NOD1: variants seen among roughly 807,000 people sequenced by gnomAD.
NOD1 encodes nucleotide binding oligomerization domain containing 1.
Under a neutral mutation model 81.2 loss-of-function variants are expected in NOD1, and 70 were observed. The ratio of observed to expected loss-of-function variants is 0.86; its 90% CI spans 0.71 to 1.05. The LOEUF (loss-of-function observed/expected upper bound fraction) is 1.05, where lower values mean the gene tolerates loss of function less well. Among genes scored for constraint, NOD1 ranks in the 50% least tolerant of loss-of-function variants. The pLI, the probability that NOD1 is intolerant of heterozygous loss-of-function variation, is 0.00. For synonymous variants in NOD1, 508 were observed against 526.9 expected (o/e 0.96, Z 0.49); for missense variants, 1,233 against 1,228.0 (o/e 1.00, Z -0.06).
intron 9 of NOD1, among the ~76,000 whole-genome samples, chr7:30,438,117 G>A (rs1327385300): frequency 2.0e-5 from 3 of 152,196 alleles, no homozygotes; most frequent in Admixed American, 1.3e-4. Flanking sequence ...AGTCTTCCAG[G>A]AGACAAAGAG....
intron 1 of NOD1, among the ~76,000 whole-genome samples, chr7:30,476,728 T>C (rs1039641045): frequency 6.6e-6 from 1 of 152,170 alleles, no homozygotes; most frequent in Non-Finnish European, 1.5e-5. Flanking sequence ...TCCTATCACA[T>C]GCAGTAAAAC....
Position 30,477,106 on chromosome 7 carries a change from A to G in NOD1, c.-352+1500T>C, listed in dbSNP as rs186567012. 3.8e-3 allele frequency among the ~76,000 whole-genome samples: 583 copies of G among 152,340 alleles called. 3 individuals are homozygous for G. Among genetic ancestry groups the G allele is most frequent in the Admixed American group, 7.1e-3 (109 of 15,306 alleles). ...GGTCAAGGAACTTGCCCAAAGTCAC[A>G]GCATAGAAGTGACAGAATCCGAGTT... On this transcript the variant is annotated intron_variant, in intron 1 of 13. Transcript: ENST00000222823.
chr7:30,447,527 T>C lies in NOD1; in HGVS notation c.2286-477A>G, dbSNP rs551915081. 445 of 182,986 alleles carry C rather than the reference T, an allele frequency of 2.4e-3. 2 individuals carry two copies. Among genetic ancestry groups the C allele is most frequent in the African/African-American group, 0.01 (421 of 42,032 alleles). The allele number at this position is 182,986 out of a possible 1,614,324, so 11.3% of individuals were successfully genotyped here. Reference sequence around the variant, plus strand: ...AATTCAATAGTACAGCAGATGGAAGTTGAAAGGCAGCTAAGCTCAGGCTTC... The same window carrying C: ...AATTCAATAGTACAGCAGATGGAAGCTGAAAGGCAGCTAAGCTCAGGCTTC... On this transcript the variant is annotated intron_variant, in intron 7 of 13. Transcript: ENST00000222823.
intron 1 of NOD1, among the ~76,000 whole-genome samples, chr7:30,466,750 A>G (rs1280711983): frequency 6.6e-6 from 1 of 152,230 alleles, no homozygotes; most frequent in Non-Finnish European, 1.5e-5. Flanking sequence ...AAGTCACTAC[A>G]ACCTTTTTCA....
chr7:30,470,398 G>A (rs753245957), intron 1 of NOD1, among the ~76,000 whole-genome samples: 5 of 152,216 alleles, frequency 3.3e-5, no homozygotes, highest in African/African-American at 4.8e-5. Context: ...GTGAGTCACC[G>A]TATCTCCAGC....
chr7:30,463,637 T>C (rs1787382560), intron 1 of NOD1: 1 of 152,636 alleles, frequency 6.6e-6, no homozygotes, highest in Admixed American at 6.5e-5. Context: ...CAGGCTTCTT[T>C]CTTTCCTTGC....
chr7:30,446,366 T>G, intron 8 of NOD1, 142 bp from the exon 9 acceptor site: 2 of 686,348 alleles, frequency 2.9e-6, no homozygotes, highest in Non-Finnish European at 5.2e-6. Flanking sequence ...AGCCATGGCC[T>G]GGGCCTCCTG....
chr7:30,450,455 C>T (rs1392595836), intron 6 of NOD1, among the ~76,000 whole-genome samples: 2 of 152,182 alleles, frequency 1.3e-5, no homozygotes, highest in African/African-American at 4.8e-5. Context: ...GCAAATTTAA[C>T]CCCCTGTAGA....
chr7:30,435,953 A>G (rs1381149933), intron 11 of NOD1, 45 bp downstream of exon 11: 2 of 1,509,488 alleles, frequency 1.3e-6, no homozygotes, highest in Non-Finnish European at 1.8e-6. Flanking sequence ...GCAAGACCCT[A>G]TCACAGAAAA....
At chr7:30,457,725 A>C (rs1422809529) in intron 3 of NOD1, among the ~76,000 whole-genome samples, 1 of 152,148 alleles carries the variant, frequency 6.6e-6, no homozygotes, top group East Asian at 1.9e-4. Flanking sequence ...CTGAGAAAGA[A>C]AGACCTGTGG....
At chr7:30,466,257 A>G (rs1787679150) in intron 1 of NOD1, among the ~76,000 whole-genome samples, 1 of 152,098 alleles carries the variant, frequency 6.6e-6, no homozygotes, top group African/African-American at 2.4e-5. Context: ...ACACTTCCCT[A>G]CCCCTTTGAA....
At chr7:30,463,267 T>C (rs555829960) in intron 1 of NOD1, among the ~76,000 whole-genome samples, 3 of 152,178 alleles carry the variant, frequency 2.0e-5, no homozygotes, top group Admixed American at 6.5e-5. Context: ...TTCCATGAAA[T>C]TGATTTTCTT....
intron 13 of NOD1, among the ~76,000 whole-genome samples, chr7:30,426,336 A>G (rs1783454432): frequency 6.6e-6 from 1 of 151,878 alleles, no homozygotes; most frequent in Non-Finnish European, 1.5e-5. Context: ...TGAGCAGGTT[A>G]GTAACCTGGG....
At chr7:30,432,891 C>CT (rs1334193496) in intron 12 of NOD1, among the ~76,000 whole-genome samples, 5 of 151,992 alleles carry the variant, frequency 3.3e-5, no homozygotes, top group Admixed American at 1.3e-4. Flanking sequence ...GGGAGGAGGA[C>CT]AGGGAGTGAC....
intron 5 of NOD1, among the ~76,000 whole-genome samples, chr7:30,453,705 TGTCA>T (rs1414698429): frequency 6.6e-6 from 1 of 152,168 alleles, no homozygotes; most frequent in African/African-American, 2.4e-5. Flanking sequence ...GTTATATATT[TGTCA>T]GTAATTTTTA....
chr7:30,451,309 GGGAAGTGATGCA>G lies in NOD1; in HGVS notation c.2096_2107del (p.Leu699_Phe702del). ...GTCTAGGTCTAGGGCCAGCCGCTTG[GGGAAGTGATGCA>G]GGACGAAGGAGAGGGCGCTGCAGTC... is the stretch of plus-strand genomic sequence containing the variant. On this transcript the variant is annotated inframe_deletion, in exon 6 of 14. Transcript: ENST00000222823. This position sits in a 1 kb window ranked among gnomAD's most constrained non-coding sequence, Gnocchi z 4.2. 1 of 1,614,186 alleles carries G rather than the reference GGGAAGTGATGCA, an allele frequency of 6.2e-7. No individual in the cohort carries two copies. Among genetic ancestry groups the G allele is most frequent in the South Asian group, 1.1e-5 (1 of 91,084 alleles).
rs186574013 is a variant in NOD1, at chr7:30,429,154, C to T, written c.2789+220G>A. On this transcript the variant is annotated intron_variant, in intron 13 of 13. Transcript: ENST00000222823. Reference sequence around the variant, plus strand: ...GGAGAGCACAGAATATGGAATCAGGCATTCTGGGCTGAATTCTAGCTTCTC... The same window carrying T: ...GGAGAGCACAGAATATGGAATCAGGTATTCTGGGCTGAATTCTAGCTTCTC... Among the ~76,000 whole-genome samples the T allele has an allele frequency of 1.1e-4, 16 of 152,352 alleles. No homozygotes were observed. In the East Asian group the frequency reaches 3.1e-3, roughly 29 times the overall value.
At chr7:30,437,710 C>A in intron 9 of NOD1, 54 bp from the exon 10 acceptor site, 1 of 1,329,720 alleles carries the variant, frequency 7.5e-7, no homozygotes, top group Non-Finnish European at 1.0e-6. Flanking sequence ...CAGCCATGCT[C>A]ACCCCTCCTT....
rs563591839 is a variant in NOD1 at position 30,455,092 on chromosome 7, C to T, written c.376+45G>A. ...CAGCCATTACCAAACCCCCCAGGGC[C>T]CTGCTTGCACTGGTGCCTGCGGTCT... On this transcript the variant is annotated intron_variant, in intron 5 of 13. Transcript: ENST00000222823. The T allele has an allele frequency of 3.8e-6, 6 of 1,593,634 alleles. No homozygotes were observed. The East Asian group carries it at 1.1e-4, about 30-fold the overall frequency.
Sources: allele counts gnomAD v4.1 joint callset (sites outside exome capture counted in the v4.1 genomes callset), GRCh38; gene constraint gnomAD v4.1.1; non-coding constraint Gnocchi (gnomAD v3.1); transcripts MANE v1.5; gene names NCBI Gene and HGNC (gene_info 2026-07-23, HGNC 2026-07-21).